EVA1A: variants seen among roughly 807,000 people sequenced by gnomAD.
EVA1A encodes protein eva-1 homolog A.
EVA1A carries 7 observed loss-of-function variants against 9.8 expected under a neutral mutation model. The ratio of observed to expected loss-of-function variants is 0.71; its 90% CI spans 0.41 to 1.34. The LOEUF (loss-of-function observed/expected upper bound fraction) is 1.34. Ranked by LOEUF, EVA1A falls within the 40% of genes most tolerant of loss-of-function variation. The probability of loss-of-function intolerance (pLI) is 0.01; values close to 1 mark genes in which losing one functional copy is unlikely to be tolerated. For synonymous variants in EVA1A, 90 were observed against 85.6 expected, an observed-to-expected ratio of 1.05 and a Z score of -0.28; for missense variants, 206 against 205.9, an observed-to-expected ratio of 1.00 and a Z score of 0.00.
intron 2 of EVA1A, among the ~76,000 whole-genome samples, chr2:75,519,432 G>T (rs1675155401): frequency 6.6e-6 from 1 of 152,210 alleles, no homozygotes; most frequent in Non-Finnish European, 1.5e-5. Context: ...CTGGCTGGTA[G>T]ATTTCAGCAG....
intron 1 of EVA1A, among the ~76,000 whole-genome samples, chr2:75,553,914 C>G (rs1376660269): frequency 6.6e-6 from 1 of 152,192 alleles, no homozygotes; most frequent in Non-Finnish European, 1.5e-5. Context: ...CATCTCAGTG[C>G]AGCAAAGAAG....
In EVA1A at chr2:75,493,187, G is replaced by C. The variant is rs1251251807; in HGVS notation, c.*49C>G. ...CCTTGTGCCCACTGTCCCTGCAGAC[G>C]CTCTCCTTTCCAGGCGGCCTCCAGT... On this transcript the variant is annotated 3_prime_UTR_variant, in exon 4 of 4. Coordinates refer to ENST00000393913, the MANE Select transcript of EVA1A (RefSeq NM_001135032.2). 1.3e-6 allele frequency: 2 copies of C among 1,559,624 alleles called. No homozygotes were observed. The highest frequency in any genetic ancestry group is 2.7e-5 in the African/African-American group (2 of 73,506).
At chr2:75,567,647 C>T (rs725774) in intron 1 of EVA1A, among the ~76,000 whole-genome samples, 1 of 152,172 alleles carries the variant, frequency 6.6e-6, no homozygotes. Context: ...TCCATTCTTC[C>T]ATTCATAGAT....
chr2:75,533,874 C>T (rs368585011), intron 1 of EVA1A, among the ~76,000 whole-genome samples: 3 of 151,734 alleles, frequency 2.0e-5, no homozygotes, highest in Non-Finnish European at 2.9e-5. Context: ...TGCAGTGGCG[C>T]GATCTTGGCT....
At chr2:75,540,650 G>T (rs972782840) in intron 1 of EVA1A, 3 of 152,214 alleles carry the variant, frequency 2.0e-5, no homozygotes, top group African/African-American at 7.2e-5. Context: ...TTCAGAATGA[G>T]AAGAAAGTGA....
intron 3 of EVA1A, 133 bp from the exon 4 acceptor site, chr2:75,493,742 G>T: frequency 1.4e-6 from 1 of 738,608 alleles, no homozygotes; most frequent in Non-Finnish European, 2.1e-6. Flanking sequence ...CCTCCAATGT[G>T]ACATATTTTA....
intron 2 of EVA1A, 83 bp from the exon 3 acceptor site, chr2:75,518,291 A>T: frequency 7.3e-7 from 1 of 1,372,366 alleles, no homozygotes; most frequent in Non-Finnish European, 9.6e-7. Flanking sequence ...TCCTAAAGAC[A>T]TATTTTTGCA....
At chr2:75,548,323 T>G (rs186842007) in intron 1 of EVA1A, among the ~76,000 whole-genome samples, 1 of 152,244 alleles carries the variant, frequency 6.6e-6, no homozygotes, top group Admixed American at 6.5e-5. Flanking sequence ...TTGGTAGAGA[T>G]GAGGTTTTGC....
intron 2 of EVA1A, among the ~76,000 whole-genome samples, chr2:75,521,832 A>G (rs1284469712): frequency 6.6e-6 from 1 of 152,230 alleles, no homozygotes; most frequent in African/African-American, 2.4e-5. Flanking sequence ...ATTTTGTTAT[A>G]TGTATTTTAC....
At chr2:75,512,803 C>T (rs1674863793) in intron 3 of EVA1A, among the ~76,000 whole-genome samples, 1 of 152,146 alleles carries the variant, frequency 6.6e-6, no homozygotes, top group Non-Finnish European at 1.5e-5. Context: ...GCTTCTCCAC[C>T]CATTAGATGC....
At chr2:75,541,064 T>C (rs561934751) in intron 1 of EVA1A, among the ~76,000 whole-genome samples, 2 of 152,222 alleles carry the variant, frequency 1.3e-5, no homozygotes, top group South Asian at 2.1e-4. Context: ...TGGTGTGATA[T>C]TGAATGTGAA....
chr2:75,541,966 T>C (rs35543415), intron 1 of EVA1A: 42,947 of 152,154 alleles, frequency 0.28, 6,965 homozygotes, highest in African/African-American at 0.44. Context: ...AAGCTCATCT[T>C]GTAGTTCCCA....
intron 3 of EVA1A, among the ~76,000 whole-genome samples, chr2:75,503,205 T>C (rs977676546): frequency 6.6e-6 from 1 of 152,178 alleles, no homozygotes; most frequent in Non-Finnish European, 1.5e-5. Flanking sequence ...TGCCTCTTCA[T>C]CCTTTTCCCA....
Position 75,527,833 on chromosome 2 carries a change from T to C in EVA1A, c.-191-5346A>G, listed in dbSNP as rs2422170. 5.0e-3 allele frequency among the ~76,000 whole-genome samples: 761 copies of C among 152,208 alleles called. 2 individuals are homozygous for C. The highest frequency in any genetic ancestry group is 0.026 in the South Asian group (125 of 4,810). ...TGCTCCAAGAACCACCACAGGAACA[T>C]ACCAGGGCAACTGAAAGAATTCACA... On this transcript the variant is annotated intron_variant, in intron 1 of 3. Transcript: ENST00000393913.
At chr2:75,568,918 C>T (rs180670742) in intron 1 of EVA1A, among the ~76,000 whole-genome samples, 2 of 152,264 alleles carry the variant, frequency 1.3e-5, no homozygotes, top group African/African-American at 4.8e-5. Flanking sequence ...TTTGCAATTG[C>T]AAATTCTGCT....
upstream of EVA1A, among the ~76,000 whole-genome samples, chr2:75,564,129 A>G (rs985776727): frequency 6.6e-6 from 1 of 152,214 alleles, no homozygotes; most frequent in African/African-American, 2.4e-5. Flanking sequence ...CTCAATGGCT[A>G]CCTTTTGAAG....
chr2:75,539,895 T>C (rs528304879), intron 1 of EVA1A, among the ~76,000 whole-genome samples: 1 of 152,262 alleles, frequency 6.6e-6, no homozygotes, highest in Non-Finnish European at 1.5e-5. Context: ...GGAGGCAATG[T>C]TGCCAAAGCC....
chr2:75,495,787 A>C (rs1045807216), intron 3 of EVA1A, among the ~76,000 whole-genome samples: 5 of 152,236 alleles, frequency 3.3e-5, no homozygotes, highest in Admixed American at 6.5e-5. Flanking sequence ...AAATTAAAAA[A>C]TATTGTCCAA....
intron 1 of EVA1A, among the ~76,000 whole-genome samples, chr2:75,556,302 T>C (rs1368637034): frequency 6.6e-6 from 1 of 152,122 alleles, no homozygotes; most frequent in Non-Finnish European, 1.5e-5. Context: ...TCCCTAGAAC[T>C]AGAGACACAA....
Sources: allele counts gnomAD v4.1 joint callset (sites outside exome capture counted in the v4.1 genomes callset), GRCh38; gene constraint gnomAD v4.1.1; transcripts MANE v1.5; gene names NCBI Gene and HGNC (gene_info 2026-07-23, HGNC 2026-07-21).